The following DSCAML1 variants were observed in gnomAD, a reference collection of about 807,000 sequenced individuals.
DSCAML1 encodes DS cell adhesion molecule like 1.
A neutral mutation model predicts 200.5 loss-of-function variants in DSCAML1; 38 were observed. The observed-to-expected ratio is 0.19, with a 90% confidence interval of 0.15 to 0.25. DSCAML1 has a LOEUF of 0.25. DSCAML1 is among the 10% of genes least tolerant of loss of function. The pLI is 1.00. For synonymous variants in DSCAML1, 1,215 were observed against 1,165.0 expected, an observed-to-expected ratio of 1.04 and a Z score of -0.87; for missense variants, 2,223 against 2,858.8, an observed-to-expected ratio of 0.78 and a Z score of 5.07.
rs185393106 is a variant in DSCAML1, at chr11:117,565,336, C to A, written c.512-32814G>T. 7.1e-4 allele frequency among the ~76,000 whole-genome samples: 108 copies of A among 152,302 alleles called. 2 individuals carry two copies. Among genetic ancestry groups the A allele is most frequent in the African/African-American group, 2.5e-3 (102 of 41,556 alleles). ...TTATGTCAGAAACAGTTGAATGTTTCTCTTCTAGCTATTCTGAAATATACA... is the reference window on the plus strand; with the variant it reads ...TTATGTCAGAAACAGTTGAATGTTTATCTTCTAGCTATTCTGAAATATACA... On this transcript the variant is annotated intron_variant, in intron 3 of 32. Transcript: ENST00000651296.
At chr11:117,445,591 A>G (rs2048161912) in intron 20 of DSCAML1, among the ~76,000 whole-genome samples, 1 of 152,232 alleles carries the variant, frequency 6.6e-6, no homozygotes, top group Non-Finnish European at 1.5e-5. Context: ...ACTGAGGCAC[A>G]AGGAGGCAGG....
At chr11:117,762,868 G>GTAATAATAATAATAA (rs58166401) in intron 3 of DSCAML1, among the ~76,000 whole-genome samples, 9,397 of 146,578 alleles carry the variant, frequency 0.064, 325 homozygotes, top group South Asian at 0.085. Flanking sequence ...GTCTCAAATA[G>GTAATAATAATAATAA]TAATAATAAT....
chr11:117,644,088 C>T (rs940561594), intron 3 of DSCAML1, among the ~76,000 whole-genome samples: 1 of 152,196 alleles, frequency 6.6e-6, no homozygotes, highest in East Asian at 1.9e-4. Context: ...GGGCAGACTC[C>T]TTGCAGGAAG....
At chr11:117,755,123 T>C (rs920309341) in intron 3 of DSCAML1, among the ~76,000 whole-genome samples, 1 of 152,200 alleles carries the variant, frequency 6.6e-6, no homozygotes, top group African/African-American at 2.4e-5. Context: ...GAAATTGTGC[T>C]ACACCTTTCA....
Position 117,432,359 on chromosome 11 carries a change from T to C in DSCAML1, c.5172A>G (p.Pro1724=). The C allele has an allele frequency of 6.2e-7, 1 of 1,613,546 alleles. No homozygotes were observed. The change falls in exon 30 of 33, where the codon CCA becomes CCG. Residue 1724 remains proline, a synonymous_variant. Transcript: ENST00000651296. ...GPLIDMSDIR[P]GTNPVSRKNV... ...CCTGGGGATAATGCGTACTGGTTCC[T>C]GGCCGGATGTCAGACATGTCGATGA...
intron 14 of DSCAML1, among the ~76,000 whole-genome samples, chr11:117,476,482 C>T (rs2048794858): frequency 1.3e-5 from 2 of 152,208 alleles, no homozygotes; most frequent in Non-Finnish European, 2.9e-5. Context: ...GACAGCCACA[C>T]TCCAGCTCCC....
intron 27 of DSCAML1, 116 bp from the exon 28 acceptor site, chr11:117,433,587 T>A: frequency 4.4e-6 from 5 of 1,145,134 alleles, no homozygotes; most frequent in Non-Finnish European, 6.2e-6. Context: ...CCAGGGCTGG[T>A]CTCCTAAGAA....
At chr11:117,453,360 A>G (rs1430878245) in intron 19 of DSCAML1, among the ~76,000 whole-genome samples, 2 of 152,214 alleles carry the variant, frequency 1.3e-5, no homozygotes, top group Non-Finnish European at 2.9e-5. Context: ...TCGTTGCATC[A>G]TTGAGCTTCC....
intron 14 of DSCAML1, among the ~76,000 whole-genome samples, chr11:117,478,436 G>A (rs1232749090): frequency 6.6e-6 from 1 of 152,174 alleles, no homozygotes; most frequent in Non-Finnish European, 1.5e-5. Flanking sequence ...GACACAGTCA[G>A]CCCTTTTGTC....
At chr11:117,511,216 G>A (rs1241941345) in intron 8 of DSCAML1, among the ~76,000 whole-genome samples, 1 of 152,166 alleles carries the variant, frequency 6.6e-6, no homozygotes, top group Non-Finnish European at 1.5e-5. Context: ...GGGTGTTTGT[G>A]TGTGGGTGAG....
At chr11:117,508,321 C>T (rs943400924) in intron 8 of DSCAML1, among the ~76,000 whole-genome samples, 7 of 152,140 alleles carry the variant, frequency 4.6e-5, no homozygotes, top group South Asian at 2.1e-4. Context: ...ACATGGCTGT[C>T]GGGGTAACTG....
intron 3 of DSCAML1, among the ~76,000 whole-genome samples, chr11:117,662,062 C>T (rs1432945166): frequency 6.6e-6 from 1 of 152,228 alleles, no homozygotes. Flanking sequence ...GCTTCTGCCA[C>T]TAAATGCTGT....
intron 3 of DSCAML1, among the ~76,000 whole-genome samples, chr11:117,692,728 C>T (rs2053519046): frequency 6.6e-6 from 1 of 152,204 alleles, no homozygotes; most frequent in African/African-American, 2.4e-5. Context: ...CCAGGCCCTG[C>T]TCGCACACCT....
intron 3 of DSCAML1, among the ~76,000 whole-genome samples, chr11:117,689,216 G>C (rs1449471423): frequency 3.3e-5 from 5 of 152,208 alleles, no homozygotes; most frequent in African/African-American, 1.2e-4. Flanking sequence ...ACGTTTAAGG[G>C]ACGCATACAA....
Position 117,431,645 on chromosome 11 carries a change from C to T in DSCAML1, c.5263G>A (p.Ala1755Thr), listed in dbSNP as rs148598468. ...GTGAGGGTGCGGGCAGGTGTGGAGG[C>T]CTGGCACTTGGTCAGGGTCCACTGG... ...SSQWTLTKCQASTPARTLTSD... is the reference protein window; with the variant it reads ...SSQWTLTKCQTSTPARTLTSD... The change falls in exon 31 of 33, where the codon GCC (alanine) becomes ACC (threonine). Residue 1755 changes from alanine to threonine, a missense_variant. By Grantham distance (58) the Ala-to-Thr change is moderately conservative. This residue lies in a region of DSCAML1 where 614 missense variants were observed against 739.1 expected (regional missense o/e 0.83). Transcript: ENST00000651296. The T allele has an allele frequency of 6.2e-7, 1 of 1,613,072 alleles. No homozygotes were observed. The highest frequency in any genetic ancestry group is 8.5e-7 in the Non-Finnish European group (1 of 1,179,442).
At chr11:117,568,262 A>C (rs1367640343) in intron 3 of DSCAML1, among the ~76,000 whole-genome samples, 1 of 152,208 alleles carries the variant, frequency 6.6e-6, no homozygotes, top group South Asian at 2.1e-4. Context: ...CCCACAGCCA[A>C]TATCATACTG....
At chr11:117,497,754 C>A (rs151008352) in intron 11 of DSCAML1, among the ~76,000 whole-genome samples, 1 of 152,204 alleles carries the variant, frequency 6.6e-6, no homozygotes, top group Admixed American at 6.5e-5. Context: ...CAGGTGAGGC[C>A]GACTATGATC....
intron 18 of DSCAML1, among the ~76,000 whole-genome samples, 176 bp downstream of exon 18, chr11:117,461,274 C>T (rs377422622): frequency 7.2e-5 from 11 of 152,000 alleles, no homozygotes; most frequent in African/African-American, 2.4e-4. Context: ...TCCTCACTCT[C>T]CCCCGGCCCC....
intron 3 of DSCAML1, among the ~76,000 whole-genome samples, chr11:117,545,534 C>T (rs35909519): frequency 0.079 from 11,947 of 152,184 alleles, 603 homozygotes; most frequent in East Asian, 0.11. Flanking sequence ...ATTCTAGAAC[C>T]GGGTCCTGCT....
Sources: allele counts gnomAD v4.1 joint callset (sites outside exome capture counted in the v4.1 genomes callset), GRCh38; gene constraint gnomAD v4.1.1; regional missense constraint gnomAD v4.1.1; transcripts MANE v1.5; gene names NCBI Gene and HGNC (gene_info 2026-07-23, HGNC 2026-07-21).